Variants in SIL1 observed in about 807,000 individuals in gnomAD.
SIL1 encodes nucleotide exchange factor SIL1.
A neutral mutation model predicts 49.1 loss-of-function variants in SIL1; 40 were observed. The observed-to-expected ratio is 0.81, with a 90% CI of 0.63 to 1.06. SIL1 has a LOEUF of 1.06. SIL1 is among the 50% of genes least tolerant of loss of function. SIL1 has a pLI of 0.00. For synonymous variants in SIL1, 253 were observed against 250.8 expected, an observed-to-expected ratio of 1.01 and a Z score of -0.08; for missense variants, 500 against 572.6, an observed-to-expected ratio of 0.87 and a Z score of 1.29.
At position 139,115,037 on chromosome 5, in the gene SIL1, G is replaced by T. The variant is rs144401027; in HGVS notation, c.244+5998C>A. 8.9e-3 allele frequency among the ~76,000 whole-genome samples: 1,350 copies of T among 152,240 alleles called. 16 individuals are homozygous for T. Among genetic ancestry groups the T allele is most frequent in the Middle Eastern group, 0.02 (6 of 294 alleles). Reference sequence around the variant, plus strand: ...CCACCCAATTTCTTGGGCCTCACATGTGTGTGCATGTCTATGTATAAAGGA... The same window carrying T: ...CCACCCAATTTCTTGGGCCTCACATTTGTGTGCATGTCTATGTATAAAGGA... On this transcript the variant is annotated intron_variant, in intron 3 of 9. Transcript: ENST00000394817.
At chr5:139,169,553 C>T (rs1751693597) in intron 1 of SIL1, among the ~76,000 whole-genome samples, 1 of 151,436 alleles carries the variant, frequency 6.6e-6, no homozygotes, top group Admixed American at 6.6e-5. Context: ...ACAATCTCCA[C>T]TCACTGCAAC....
At chr5:138,963,270 AAG>A (rs1186428235) in intron 7 of SIL1, among the ~76,000 whole-genome samples, 2 of 152,090 alleles carry the variant, frequency 1.3e-5, no homozygotes, top group Non-Finnish European at 2.9e-5. Context: ...AGGCTCAGGA[AAG>A]AGCTTCCTTC....
At chr5:138,982,193 A>C (rs1004253756) in intron 7 of SIL1, among the ~76,000 whole-genome samples, 1 of 152,246 alleles carries the variant, frequency 6.6e-6, no homozygotes, top group Admixed American at 6.5e-5. Context: ...CTATCCTCTA[A>C]GAGTGTAACA....
At chr5:139,034,615 T>C (rs994731122) in intron 5 of SIL1, among the ~76,000 whole-genome samples, 1 of 152,246 alleles carries the variant, frequency 6.6e-6, no homozygotes. Context: ...CCTCCAATTA[T>C]GTTTAATCCT....
intron 1 of SIL1, chr5:139,188,146 T>C (rs769130725): frequency 1.3e-5 from 2 of 152,208 alleles, no homozygotes; most frequent in African/African-American, 4.8e-5. Flanking sequence ...AACAGACTAA[T>C]ACAGCTTCCA....
intron 3 of SIL1, among the ~76,000 whole-genome samples, chr5:139,079,213 A>C (rs1251379827): frequency 1.3e-5 from 2 of 152,138 alleles, no homozygotes; most frequent in African/African-American, 4.8e-5. Context: ...CATGAGTGGA[A>C]TCCTGGCGCC....
intron 1 of SIL1, among the ~76,000 whole-genome samples, chr5:139,141,968 T>C (rs1018462762): frequency 6.6e-6 from 1 of 152,168 alleles, no homozygotes; most frequent in Non-Finnish European, 1.5e-5. Flanking sequence ...CATACACTCA[T>C]CAGCCAAAGG....
chr5:138,977,951 G>A (rs1426992411), intron 7 of SIL1, among the ~76,000 whole-genome samples: 5 of 152,190 alleles, frequency 3.3e-5, no homozygotes, highest in Non-Finnish European at 7.4e-5. Context: ...CTATATTTGA[G>A]TTGAGGCCAG....
intron 3 of SIL1, among the ~76,000 whole-genome samples, chr5:139,118,503 G>A (rs7731574): frequency 0.53 from 80,726 of 151,988 alleles, 22,799 homozygotes; most frequent in African/African-American, 0.72. Flanking sequence ...GCAAAACCAA[G>A]GAACAGAAAT....
At chr5:138,989,623 C>T (rs1156356962) in intron 7 of SIL1, among the ~76,000 whole-genome samples, 2 of 152,030 alleles carry the variant, frequency 1.3e-5, no homozygotes, top group Admixed American at 1.3e-4. Flanking sequence ...GAAACAAGGG[C>T]CGCACTCCTT....
At chr5:139,143,295 A>G (rs1358326087) in intron 1 of SIL1, among the ~76,000 whole-genome samples, 1 of 110,860 alleles carries the variant, frequency 9.0e-6, no homozygotes, top group African/African-American at 3.9e-5. Flanking sequence ...ACACATGTGT[A>G]TATACATATA....
intron 7 of SIL1, among the ~76,000 whole-genome samples, chr5:139,004,598 CTTAA>C (rs1470858574): frequency 3.9e-5 from 6 of 152,090 alleles, no homozygotes; most frequent in Admixed American, 3.3e-4. Flanking sequence ...CTCTAGTTTA[CTTAA>C]TTACTCTTCA....
chr5:139,017,570 A>G (rs1241388526), intron 7 of SIL1, among the ~76,000 whole-genome samples: 1 of 152,204 alleles, frequency 6.6e-6, no homozygotes. Flanking sequence ...CAGGACTCCA[A>G]AGGTGACTGA....
intron 3 of SIL1, among the ~76,000 whole-genome samples, chr5:139,078,014 T>C (rs968283185): frequency 6.6e-6 from 1 of 152,194 alleles, no homozygotes; most frequent in Non-Finnish European, 1.5e-5. Flanking sequence ...AGATGAGATA[T>C]TTAGTTTGGG....
At chr5:138,956,794 T>TAAC (rs1167965458) in intron 7 of SIL1, among the ~76,000 whole-genome samples, 3 of 149,114 alleles carry the variant, frequency 2.0e-5, no homozygotes, top group Admixed American at 1.3e-4. Context: ...GGAATAGGTT[T>TAAC]AACAACAACA....
chr5:139,142,287 A>C (rs2151801740), intron 1 of SIL1, among the ~76,000 whole-genome samples: 1 of 152,362 alleles, frequency 6.6e-6, no homozygotes, highest in Non-Finnish European at 1.5e-5. Context: ...TTCCTAATTC[A>C]TTCTATGAAG....
At chr5:139,183,233 C>T (rs529267009) in intron 1 of SIL1, among the ~76,000 whole-genome samples, 171 of 152,300 alleles carry the variant, frequency 1.1e-3, no homozygotes, top group African/African-American at 3.7e-3. Flanking sequence ...AAGTTCTCCT[C>T]AGAAATTACA....
chr5:139,111,846 CCCACGGTCTCCCTCTCCCTCTCTTT>C lies in SIL1; in HGVS notation c.244+9164_244+9188del, dbSNP rs531554685. Among the ~76,000 whole-genome samples the C allele has an allele frequency of 2.4e-3, 371 of 152,266 alleles. 3 individuals are homozygous for C. Among genetic ancestry groups the C allele is most frequent in the African/African-American group, 7.6e-3 (317 of 41,556 alleles). ...TCACACCTCTCCCCTCTCCCCACTC[CCCACGGTCTCCCTCTCCCTCTCTTT>C]CCACGGTCTCCCTCTGATGCCGAGC... On this transcript the variant is annotated intron_variant, in intron 3 of 9. Transcript: ENST00000394817.
chr5:139,192,512 G>GATGTGAA (rs772529072), intron 1 of SIL1, among the ~76,000 whole-genome samples: 70 of 152,288 alleles, frequency 4.6e-4, no homozygotes, highest in Non-Finnish European at 8.7e-4. Context: ...TTTCTCTGTA[G>GATGTGAA]ATGTGAAATG....
Sources: allele counts gnomAD v4.1 joint callset (sites outside exome capture counted in the v4.1 genomes callset), GRCh38; gene constraint gnomAD v4.1.1; transcripts MANE v1.5; gene names NCBI Gene and HGNC (gene_info 2026-07-23, HGNC 2026-07-21).